ALDH1A2: variants seen among roughly 807,000 people sequenced by gnomAD.
ALDH1A2 encodes retinal dehydrogenase 2.
ALDH1A2 carries 27 observed loss-of-function variants against 60.3 expected under a neutral mutation model. The ratio of observed to expected loss-of-function variants is 0.45; its 90% CI spans 0.33 to 0.62. The LOEUF (loss-of-function observed/expected upper bound fraction) is 0.62, where lower values mean the gene tolerates loss of function less well. Ranked by LOEUF, ALDH1A2 falls within the 20% of genes least tolerant of loss-of-function variation. The probability of loss-of-function intolerance (pLI) is 0.02; values close to 1 mark genes in which losing one functional copy is unlikely to be tolerated. For missense variants in ALDH1A2, 581 were observed against 643.8 expected, an observed-to-expected ratio of 0.90 and a Z score of 1.06; for synonymous variants, 289 against 232.4, an observed-to-expected ratio of 1.24 and a Z score of -2.21.
chr15:58,000,846 C>T lies in ALDH1A2; in HGVS notation c.494-5707G>A, dbSNP rs139147167. Among the ~76,000 whole-genome samples, 85 of 151,934 alleles carry T rather than the reference C, an allele frequency of 5.6e-4. 1 individual carries two copies. Among genetic ancestry groups the T allele is most frequent in the African/African-American group, 2.0e-3 (83 of 41,466 alleles). ...GCTCATGCTTCTGATCCACAGACCA[C>T]ACTCTGAGTAGCAAGATCAGGAGTG... On this transcript the variant is annotated intron_variant, in intron 4 of 12. Coordinates refer to ENST00000249750, the MANE Select transcript of ALDH1A2 (RefSeq NM_003888.4).
intron 1 of ALDH1A2, among the ~76,000 whole-genome samples, chr15:58,064,621 G>A (rs565155178): frequency 6.6e-6 from 1 of 152,264 alleles, no homozygotes; most frequent in East Asian, 1.9e-4. Context: ...AATCAAACCA[G>A]AGAACTACAA....
At chr15:58,014,022 C>A (rs34036537) in intron 2 of ALDH1A2, 24 bp from the exon 3 acceptor site, 7 of 1,614,066 alleles carry the variant, frequency 4.3e-6, no homozygotes, top group East Asian at 2.2e-5. Context: ...AGAGGCACAA[C>A]TGAAGAAAAA....
At chr15:57,968,566 A>C (rs555167919) in intron 7 of ALDH1A2, among the ~76,000 whole-genome samples, 1 of 152,362 alleles carries the variant, frequency 6.6e-6, no homozygotes, top group South Asian at 2.1e-4. Context: ...CTCCAAGCTG[A>C]TTTCAAAGTA....
chr15:57,993,075 T>C lies in ALDH1A2; in HGVS notation c.556-2A>G. On this transcript the variant is annotated splice_acceptor_variant, in intron 5 of 12. Coordinates refer to ENST00000249750, the MANE Select transcript of ALDH1A2 (RefSeq NM_003888.4). LOFTEE classifies it high-confidence loss of function. ...AAACATCAGCAGGGGGAAGTTCCAC[T>C]GAAAGGAAAAAACTCAAAGTTGATA... The C allele has an allele frequency of 6.2e-7, 1 of 1,612,062 alleles. No homozygotes were observed. Among genetic ancestry groups the C allele is most frequent in the Non-Finnish European group, 8.5e-7 (1 of 1,179,880 alleles).
At chr15:58,027,830 G>A (rs562166667) in intron 1 of ALDH1A2, among the ~76,000 whole-genome samples, 11 of 152,040 alleles carry the variant, frequency 7.2e-5, no homozygotes, top group South Asian at 2.1e-4. Flanking sequence ...GAAATAAAGC[G>A]AGAAAATAAG....
intron 1 of ALDH1A2, among the ~76,000 whole-genome samples, chr15:58,029,307 C>T (rs971163578): frequency 5.3e-5 from 8 of 152,118 alleles, no homozygotes; most frequent in East Asian, 1.9e-4. Flanking sequence ...GGGTAAATAA[C>T]GAAATGAAGG....
At chr15:57,958,214 G>GCGTACACGCACGCGCACACACACACACA (rs67551670) in intron 12 of ALDH1A2, among the ~76,000 whole-genome samples, 1 of 151,700 alleles carries the variant, frequency 6.6e-6, no homozygotes, top group Non-Finnish European at 1.5e-5. Context: ...GTACACGCAC[G>GCGTACACGCACGCGCACACACACACACA]CACACACACA....
At chr15:58,030,094 A>G (rs1334088338) in intron 1 of ALDH1A2, among the ~76,000 whole-genome samples, 1 of 152,206 alleles carries the variant, frequency 6.6e-6, no homozygotes, top group Admixed American at 6.5e-5. Flanking sequence ...AAAAAAAGAC[A>G]ATTTTAGACC....
intron 1 of ALDH1A2, among the ~76,000 whole-genome samples, chr15:58,052,541 G>A (rs116552794): frequency 0.014 from 2,069 of 152,034 alleles, 54 homozygotes; most frequent in African/African-American, 0.047. Flanking sequence ...TCTCGGCTCA[G>A]TGCAACCTCT....
chr15:58,062,932 T>A (rs1380351032), intron 1 of ALDH1A2, among the ~76,000 whole-genome samples: 2 of 152,208 alleles, frequency 1.3e-5, no homozygotes, highest in African/African-American at 4.8e-5. Flanking sequence ...GAATGAACTT[T>A]AATTCTGGAG....
chr15:58,018,955 A>G (rs1595670423), intron 1 of ALDH1A2, among the ~76,000 whole-genome samples: 1 of 152,192 alleles, frequency 6.6e-6, no homozygotes. Flanking sequence ...AAAAAAATAC[A>G]TATTATTGGG....
At chr15:57,973,383 A>G (rs1894134588) in intron 7 of ALDH1A2, among the ~76,000 whole-genome samples, 2 of 152,180 alleles carry the variant, frequency 1.3e-5, no homozygotes, top group Admixed American at 1.3e-4. Context: ...AGCCACCTCA[A>G]ATAAGCTTCT....
At chr15:57,957,038 A>G (rs1893550898) in intron 12 of ALDH1A2, among the ~76,000 whole-genome samples, 1 of 152,042 alleles carries the variant, frequency 6.6e-6, no homozygotes, top group African/African-American at 2.4e-5. Flanking sequence ...TGCACGGGGG[A>G]AGTGGACTCA....
intron 4 of ALDH1A2, among the ~76,000 whole-genome samples, chr15:57,998,420 G>GAGCTAAATCATGAATA (rs1260257171): frequency 6.6e-6 from 1 of 151,882 alleles, no homozygotes; most frequent in African/African-American, 2.4e-5. Context: ...GACAAGCAGA[G>GAGCTAAATCATGAATA]AGCTAAATCA....
At chr15:58,017,663 T>G (rs1250253582) in intron 1 of ALDH1A2, among the ~76,000 whole-genome samples, 1 of 152,174 alleles carries the variant, frequency 6.6e-6, no homozygotes, top group Non-Finnish European at 1.5e-5. Context: ...ACCAGTTATT[T>G]GCATTCAAAG....
At chr15:58,019,383 A>G (rs1227163898) in intron 1 of ALDH1A2, among the ~76,000 whole-genome samples, 1 of 152,224 alleles carries the variant, frequency 6.6e-6, no homozygotes, top group African/African-American at 2.4e-5. Flanking sequence ...TCAGTATAAG[A>G]AACCAGAATA....
chr15:57,955,568 A>T (rs1893493931), intron 12 of ALDH1A2, among the ~76,000 whole-genome samples: 1 of 152,220 alleles, frequency 6.6e-6, no homozygotes, highest in African/African-American at 2.4e-5. Context: ...ACTCTCAATT[A>T]CTCAGAGAAC....
intron 3 of ALDH1A2, among the ~76,000 whole-genome samples, chr15:58,011,178 C>A (rs1001910043): frequency 6.6e-6 from 1 of 152,134 alleles, no homozygotes; most frequent in Non-Finnish European, 1.5e-5. Context: ...GCTCTTTATG[C>A]AACTGATGAG....
chr15:57,991,850 G>A (rs562807319), intron 7 of ALDH1A2, among the ~76,000 whole-genome samples: 10 of 152,210 alleles, frequency 6.6e-5, no homozygotes, highest in South Asian at 2.1e-4. Context: ...CATCTGTGAG[G>A]TTCTACTTGA....
Sources: gnomAD v4.1 joint callset for allele counts (sites outside exome capture counted in the v4.1 genomes callset) on GRCh38, gnomAD v4.1.1 for gene constraint, MANE v1.5 for transcripts, NCBI Gene and HGNC (gene_info 2026-07-23, HGNC 2026-07-21) for gene names.